The following DPH6 variants were observed in gnomAD, a reference collection of about 807,000 sequenced individuals.
The protein encoded by DPH6 is diphthamine biosynthesis 6.
Under a neutral mutation model 38.2 loss-of-function variants are expected in DPH6, and 33 were observed. That is an observed-to-expected ratio of 0.86 (90% CI 0.65 to 1.15). The LOEUF (loss-of-function observed/expected upper bound fraction) is 1.15. DPH6 is among the 50% of genes most tolerant of loss of function. DPH6 has a pLI of 0.00. For synonymous variants in DPH6, 108 were observed against 103.0 expected, an observed-to-expected ratio of 1.05 and a Z score of -0.30; for missense variants, 325 against 320.0, an observed-to-expected ratio of 1.02 and a Z score of -0.12.
At chr15:35,376,767 A>C (rs972924730) in intron 7 of DPH6, among the ~76,000 whole-genome samples, 1 of 152,144 alleles carries the variant, frequency 6.6e-6, no homozygotes, top group Non-Finnish European at 1.5e-5. Context: ...ACTGTGTTAC[A>C]GTTATTCAGT....
intron 3 of DPH6, among the ~76,000 whole-genome samples, chr15:35,465,473 T>A (rs558056254): frequency 3.3e-5 from 5 of 152,310 alleles, no homozygotes; most frequent in Admixed American, 3.3e-4. Flanking sequence ...TAGCATTAGA[T>A]GCTTTTTCCT....
the DPH6 span, among the ~76,000 whole-genome samples, chr15:35,147,813 T>TTAA: frequency 6.6e-6 from 1 of 152,198 alleles, no homozygotes; most frequent in Non-Finnish European, 1.5e-5. Flanking sequence ...TATTATGCCA[T>TTAA]TAATATAGAA....
At chr15:35,542,552 AT>A in intron 1 of DPH6, 45 bp from the exon 2 acceptor site, 7 of 1,469,528 alleles carry the variant, frequency 4.8e-6, no homozygotes, top group Non-Finnish European at 6.6e-6. Context: ...GCTACTGACC[AT>A]TATTCAACAT....
At chr15:35,391,013 G>C (rs2053048114) in intron 6 of DPH6, among the ~76,000 whole-genome samples, 1 of 152,094 alleles carries the variant, frequency 6.6e-6, no homozygotes, top group Non-Finnish European at 1.5e-5. Flanking sequence ...CGTACAGATG[G>C]GTTTTTGGTG....
the DPH6 span, among the ~76,000 whole-genome samples, chr15:35,208,788 T>C: frequency 6.6e-6 from 1 of 152,194 alleles, no homozygotes; most frequent in Non-Finnish European, 1.5e-5. Flanking sequence ...TTTCTTCTTT[T>C]GGCAAAAACT....
chr15:35,282,526 T>C (rs144798740), intron 3 of DPH6: 3,709 of 229,986 alleles, frequency 0.016, 49 homozygotes, highest in South Asian at 0.029. Context: ...CAGACTGTGC[T>C]GGGTTGTCAT....
intron 6 of DPH6, 144 bp from the exon 7 acceptor site, chr15:35,382,060 G>C: frequency 1.6e-6 from 1 of 636,152 alleles, no homozygotes; most frequent in Non-Finnish European, 2.7e-6. Flanking sequence ...TTATATTTCT[G>C]CTTAAAACCT....
intron 3 of DPH6, among the ~76,000 whole-genome samples, chr15:35,477,056 AAAGAC>A (rs1363767711): frequency 6.6e-6 from 1 of 151,854 alleles, no homozygotes; most frequent in African/African-American, 2.4e-5. Flanking sequence ...TTATATGTAC[AAAGAC>A]AAGACTTCTT....
rs879230191 is a variant in DPH6, at chr15:35,520,230, C to CA, written c.312+18043dup. The CA allele has an allele frequency of 3.2e-3, 1,200 of 372,302 alleles. 2 individuals are homozygous for CA. Among genetic ancestry groups the CA allele is most frequent in the Non-Finnish European group, 3.6e-3 (1,121 of 313,824 alleles). 23.1% of individuals were successfully genotyped at this position (372,302 alleles called of 1,614,324 possible). A position where few individuals can be genotyped will look rare whatever the true frequency, so the allele number is the denominator to read the frequency against. ...AAAGTAAACATGCTACAAAAAAAAA[C>CA]AAAAAAAAAACAAAAGAAGAAGAAT... is the stretch of plus-strand genomic sequence containing the variant. On this transcript the variant is annotated intron_variant, in intron 3 of 8. Coordinates refer to ENST00000256538, the MANE Select transcript of DPH6 (RefSeq NM_080650.4).
intron 3 of DPH6, among the ~76,000 whole-genome samples, chr15:35,320,582 C>T (rs968453611): frequency 1.6e-4 from 24 of 152,192 alleles, no homozygotes; most frequent in African/African-American, 5.8e-4. Context: ...AAATAGCTGG[C>T]TTCCCAGACA....
chr15:35,380,018 G>T (rs948014758), intron 7 of DPH6, among the ~76,000 whole-genome samples: 2 of 152,040 alleles, frequency 1.3e-5, no homozygotes, highest in African/African-American at 4.8e-5. Flanking sequence ...AAAAAGCAAA[G>T]AATATGCTTA....
intron 3 of DPH6, among the ~76,000 whole-genome samples, chr15:35,306,006 C>A (rs1039148340): frequency 1.3e-5 from 2 of 152,136 alleles, no homozygotes; most frequent in Non-Finnish European, 2.9e-5. Context: ...TATGTTCTGA[C>A]CTGGGCCCCT....
At chr15:35,212,499 G>T (rs2051393541), downstream of DPH6, among the ~76,000 whole-genome samples, 1 of 152,074 alleles carries the variant, frequency 6.6e-6, no homozygotes, top group Non-Finnish European at 1.5e-5. Context: ...TGATACAAAG[G>T]GCAGGGGAAA....
intron 3 of DPH6, among the ~76,000 whole-genome samples, chr15:35,512,685 A>G (rs2054791463): frequency 6.6e-6 from 1 of 152,152 alleles, no homozygotes; most frequent in Non-Finnish European, 1.5e-5. Flanking sequence ...ACGAAATGCC[A>G]GGAATTATAA....
chr15:35,180,612 CA>C, the DPH6 span, among the ~76,000 whole-genome samples: 200 of 152,294 alleles, frequency 1.3e-3, no homozygotes, highest in Non-Finnish European at 2.6e-3. Flanking sequence ...AAGTGTGTGC[CA>C]CCATGCCCAG....
rs369638337 is a variant in DPH6, at chr15:35,499,968, A to T, written c.312+38306T>A. Reference sequence around the variant, plus strand: ...TCCAGTCTTCCAGGTGTCGACACAGACTGTGTTGATGTGGTTTTCCACAGT... The same window carrying T: ...TCCAGTCTTCCAGGTGTCGACACAGTCTGTGTTGATGTGGTTTTCCACAGT... On this transcript the variant is annotated intron_variant, in intron 3 of 8. Coordinates refer to ENST00000256538, the MANE Select transcript of DPH6 (RefSeq NM_080650.4). 6.6e-5 allele frequency among the ~76,000 whole-genome samples: 10 copies of T among 152,252 alleles called. No homozygotes were observed. In the East Asian group the frequency reaches 1.9e-3, roughly 29 times the overall value.
intron 3 of DPH6, among the ~76,000 whole-genome samples, chr15:35,476,091 T>C (rs2054260802): frequency 1.3e-5 from 2 of 151,794 alleles, no homozygotes; most frequent in Non-Finnish European, 3.0e-5. Flanking sequence ...TATATGGCCA[T>C]TTCAAATTAT....
rs909916013 is a variant in DPH6, at chr15:35,524,953, T to C, written c.312+13321A>G. On this transcript the variant is annotated intron_variant, in intron 3 of 8. Coordinates refer to ENST00000256538, the MANE Select transcript of DPH6 (RefSeq NM_080650.4). ...TTGGATTACCATAAAGTTGACTATTTGATATAAAAATCCTTCACATCATCT... is the reference window on the plus strand; with the variant it reads ...TTGGATTACCATAAAGTTGACTATTCGATATAAAAATCCTTCACATCATCT... 6.6e-5 allele frequency among the ~76,000 whole-genome samples: 10 copies of C among 152,262 alleles called. No homozygotes were observed. The Middle Eastern group carries it at 0.01, about 155-fold the overall frequency.
intron 3 of DPH6, among the ~76,000 whole-genome samples, chr15:35,522,504 GTAAAA>G (rs915470076): frequency 2.6e-5 from 4 of 151,952 alleles, no homozygotes; most frequent in African/African-American, 9.7e-5. Context: ...AAAAAATTAA[GTAAAA>G]TAAAATAAAA....
Sources: gnomAD v4.1 joint callset for allele counts (sites outside exome capture counted in the v4.1 genomes callset) on GRCh38, gnomAD v4.1.1 for gene constraint, MANE v1.5 for transcripts, NCBI Gene and HGNC (gene_info 2026-07-23, HGNC 2026-07-21) for gene names.